The following EPM2A variants were observed in gnomAD, a reference collection of about 807,000 sequenced individuals.
EPM2A encodes the protein EPM2A glucan phosphatase, laforin.
EPM2A carries 21 observed loss-of-function variants against 26.5 expected under a neutral mutation model. The ratio of observed to expected loss-of-function variants is 0.79; its 90% CI spans 0.56 to 1.14. EPM2A has a LOEUF of 1.14. Ranked by LOEUF, EPM2A falls within the 50% of genes most tolerant of loss-of-function variation. EPM2A has a pLI of 0.00. For missense variants in EPM2A, 458 were observed against 440.8 expected (o/e 1.04, Z -0.35); for synonymous variants, 217 against 177.6 (o/e 1.22, Z -1.76).
At chr6:145,718,587 A>G (rs1775774037) in intron 1 of EPM2A, among the ~76,000 whole-genome samples, 1 of 152,202 alleles carries the variant, frequency 6.6e-6, no homozygotes, top group Non-Finnish European at 1.5e-5. Flanking sequence ...AAACACCAAA[A>G]GCAATGGCAA....
chr6:145,393,956 T>C, intron 4 of EPM2A, among the ~76,000 whole-genome samples: 1 of 152,006 alleles, frequency 6.6e-6, no homozygotes, highest in Non-Finnish European at 1.5e-5. Context: ...CCCAAGCAGC[T>C]GGGACTACAG....
intron 4 of EPM2A, among the ~76,000 whole-genome samples, chr6:145,486,756 C>A (rs1390233367): frequency 1.3e-5 from 2 of 152,110 alleles, no homozygotes; most frequent in African/African-American, 2.4e-5. Flanking sequence ...CATGTTCTGG[C>A]AAATGAAAGA....
intron 1 of EPM2A, among the ~76,000 whole-genome samples, chr6:145,711,237 C>T (rs1372778098): frequency 1.3e-5 from 2 of 152,114 alleles, no homozygotes; most frequent in African/African-American, 4.8e-5. Flanking sequence ...TTTGTATTCC[C>T]TGGCCAATCC....
At chr6:145,724,156 T>C (rs949476128) in intron 1 of EPM2A, among the ~76,000 whole-genome samples, 5 of 151,994 alleles carry the variant, frequency 3.3e-5, no homozygotes, top group East Asian at 3.9e-4. Context: ...GAACCTTACA[T>C]AGAACAAGCT....
chr6:145,504,138 AC>A (rs1779935483), intron 2 of EPM2A, among the ~76,000 whole-genome samples: 1 of 135,534 alleles, frequency 7.4e-6, no homozygotes, highest in East Asian at 2.4e-4. Flanking sequence ...AACCATAAAA[AC>A]CCTAGAAGAA....
rs114159147 is a variant in EPM2A at position 145,683,882 on chromosome 6, C to T, written c.476+2240G>A. Among the ~76,000 whole-genome samples the T allele has an allele frequency of 5.1e-3, 771 of 152,154 alleles. 4 individuals carry two copies. The highest frequency in any genetic ancestry group is 0.018 in the African/African-American group (751 of 41,510). ...ATGACAGCCATATACAACAATCAAC[C>T]TAATCTTTCACATAGTAAATATGAA... On this transcript the variant is annotated intron_variant, in intron 2 of 3. Coordinates refer to ENST00000367519, the MANE Select transcript of EPM2A (RefSeq NM_005670.4).
intron 2 of EPM2A, among the ~76,000 whole-genome samples, chr6:145,594,814 T>A (rs561248751): frequency 8.7e-4 from 133 of 152,056 alleles, no homozygotes; most frequent in African/African-American, 3.1e-3. Context: ...ATTTAAGCCA[T>A]TATACATGTT....
At chr6:145,460,760 G>A (rs1206426364) in intron 4 of EPM2A, among the ~76,000 whole-genome samples, 1 of 151,966 alleles carries the variant, frequency 6.6e-6, no homozygotes, top group South Asian at 2.1e-4. Context: ...GGGTTCTAAG[G>A]GAAAACAGTA....
At chr6:145,397,776 A>G (rs1216055740) in intron 4 of EPM2A, among the ~76,000 whole-genome samples, 2 of 152,174 alleles carry the variant, frequency 1.3e-5, no homozygotes, top group African/African-American at 4.8e-5. Flanking sequence ...ATTTACTATT[A>G]GGTACACATA....
At chr6:145,488,611 G>A (rs563344052) in intron 4 of EPM2A, among the ~76,000 whole-genome samples, 3 of 150,956 alleles carry the variant, frequency 2.0e-5, no homozygotes, top group African/African-American at 7.3e-5. Context: ...TAACCCCACA[G>A]TTTAGCACTC....
At chr6:145,491,125 G>C in intron 4 of EPM2A, 1 of 585,296 alleles carries the variant, frequency 1.7e-6, no homozygotes, top group Non-Finnish European at 3.3e-6. Context: ...TTTTCTTGTG[G>C]TATTTTCCTC....
intron 4 of EPM2A, among the ~76,000 whole-genome samples, chr6:145,472,825 C>G (rs952909334): frequency 5.3e-5 from 8 of 152,170 alleles, no homozygotes; most frequent in African/African-American, 1.9e-4. Context: ...CTGCAAGAAC[C>G]ACAGTGTTAC....
At chr6:145,666,828 G>A (rs1184804089) in intron 2 of EPM2A, among the ~76,000 whole-genome samples, 5 of 150,738 alleles carry the variant, frequency 3.3e-5, no homozygotes, top group South Asian at 2.1e-4. Context: ...ATAGATCAAT[G>A]GAACAGAAAA....
At chr6:145,627,797 CA>C in intron 3 of EPM2A, 104 bp from the exon 4 acceptor site, 1 of 1,498,158 alleles carries the variant, frequency 6.7e-7, no homozygotes, top group African/African-American at 1.4e-5. Flanking sequence ...TGCACAGGGC[CA>C]GGCAGGGATA....
chr6:145,678,783 T>C (rs564169553), intron 2 of EPM2A, among the ~76,000 whole-genome samples: 2 of 152,062 alleles, frequency 1.3e-5, no homozygotes, highest in East Asian at 1.9e-4. Context: ...GAAATAGGAA[T>C]GCTTTTACAC....
chr6:145,725,448 G>A (rs1776153112), intron 1 of EPM2A, among the ~76,000 whole-genome samples: 1 of 151,960 alleles, frequency 6.6e-6, no homozygotes, highest in South Asian at 2.1e-4. Flanking sequence ...TCTACCCACT[G>A]ATATAAAAAT....
chr6:145,659,109 A>G (rs1314852900), intron 2 of EPM2A, among the ~76,000 whole-genome samples: 1 of 152,206 alleles, frequency 6.6e-6, no homozygotes, highest in Non-Finnish European at 1.5e-5. Context: ...TCTTTGGTCA[A>G]AAAATTTACC....
intron 2 of EPM2A, among the ~76,000 whole-genome samples, chr6:145,508,327 G>C (rs1459446673): frequency 6.6e-6 from 1 of 152,196 alleles, no homozygotes; most frequent in Admixed American, 6.5e-5. Context: ...CCCATGCTAA[G>C]GGTAAACACA....
At chr6:145,696,591 G>A (rs1435259404) in intron 1 of EPM2A, among the ~76,000 whole-genome samples, 2 of 151,890 alleles carry the variant, frequency 1.3e-5, no homozygotes, top group African/African-American at 2.4e-5. Flanking sequence ...GAATTATAAA[G>A]ACAAATAAGT....
Sources: allele counts gnomAD v4.1 joint callset (sites outside exome capture counted in the v4.1 genomes callset), GRCh38; gene constraint gnomAD v4.1.1; transcripts MANE v1.5; gene names NCBI Gene and HGNC (gene_info 2026-07-23, HGNC 2026-07-21).